Variants in ARHGEF9 observed in about 807,000 individuals in gnomAD.
The protein encoded by ARHGEF9 is Cdc42 guanine nucleotide exchange factor 9.
In ARHGEF9, 2 loss-of-function variants were observed where a neutral mutation model predicts 41.3. The ratio of observed to expected loss-of-function variants is 0.05; its 90% confidence interval spans 0.02 to 0.15. The LOEUF is 0.15. ARHGEF9 is among the 10% of genes least tolerant of loss of function. The pLI is 1.00. For missense variants in ARHGEF9, 225 were observed against 424.7 expected, an observed-to-expected ratio of 0.53 and a Z score of 4.13; for synonymous variants, 160 against 154.4, an observed-to-expected ratio of 1.04 and a Z score of -0.27.
intron 1 of ARHGEF9, among the ~76,000 whole-genome samples, chrX:63,773,822 G>A (rs2056243582): frequency 9.1e-6 from 1 of 110,412 alleles, no homozygotes; most frequent in Admixed American, 9.8e-5. Flanking sequence ...CTTGAGCTGG[G>A]ACATTGTTTT....
intron 2 of ARHGEF9, among the ~76,000 whole-genome samples, chrX:63,711,517 T>C (rs781855113): frequency 8.9e-6 from 1 of 111,927 alleles, no homozygotes; most frequent in Non-Finnish European, 1.9e-5. Flanking sequence ...CATGCTGAAT[T>C]GATATTTGTC....
At chrX:63,730,280 T>G (rs1377615230) in intron 1 of ARHGEF9, among the ~76,000 whole-genome samples, 4 of 112,740 alleles carry the variant, frequency 3.5e-5, no homozygotes, top group African/African-American at 1.3e-4. Context: ...TTTCAACCTC[T>G]ATAATTCTCC....
chrX:63,659,754 C>A (rs1417131215), intron 7 of ARHGEF9, among the ~76,000 whole-genome samples: 2 of 111,394 alleles, frequency 1.8e-5, no homozygotes, highest in African/African-American at 6.5e-5. Context: ...ATAAGAACAA[C>A]AATAATAGCA....
intron 1 of ARHGEF9, among the ~76,000 whole-genome samples, chrX:63,738,640 A>G: frequency 9.0e-6 from 1 of 111,501 alleles, no homozygotes; most frequent in East Asian, 2.8e-4. Context: ...TGAATACTGT[A>G]GTCATTTTGG....
intron 1 of ARHGEF9, among the ~76,000 whole-genome samples, chrX:63,775,083 ATAAT>A (rs2056270065): frequency 8.9e-6 from 1 of 112,696 alleles, no homozygotes; most frequent in Non-Finnish European, 1.9e-5. Context: ...AATATTCAAC[ATAAT>A]TAATCACTAG....
chrX:63,673,267 C>G (rs1416681261), intron 6 of ARHGEF9, among the ~76,000 whole-genome samples: 1 of 111,320 alleles, frequency 9.0e-6, no homozygotes, highest in African/African-American at 3.3e-5. Context: ...GGAGCAGACC[C>G]TACCTCTATA....
At chrX:63,777,252 G>T (rs782351688) in intron 1 of ARHGEF9, among the ~76,000 whole-genome samples, 2 of 111,420 alleles carry the variant, frequency 1.8e-5, no homozygotes, top group African/African-American at 6.5e-5. Flanking sequence ...GAGAAAAGAG[G>T]AGGAAAAGCC....
At chrX:63,688,140 G>A (rs2147389983) in intron 4 of ARHGEF9, among the ~76,000 whole-genome samples, 1 of 111,173 alleles carries the variant, frequency 9.0e-6, no homozygotes, top group South Asian at 3.9e-4. Context: ...ACATATAAAG[G>A]AGTTTCAATT....
At chrX:63,767,534 T>C (rs2056131985) in intron 1 of ARHGEF9, 1 of 224,063 alleles carries the variant, frequency 4.5e-6, no homozygotes, top group African/African-American at 2.9e-5. Context: ...TTGCAGCTAA[T>C]TAAGATGAAG....
rs1602141908 is a variant in ARHGEF9 at position 63,637,418 on chromosome X, T to G, written c.*610A>C. 3.4e-6 allele frequency: 1 copy of G among 291,363 alleles called. No individual in the cohort carries two copies. The highest frequency in any genetic ancestry group is 2.8e-5 in the African/African-American group (1 of 36,052). 24.0% of individuals were successfully genotyped at this position (291,363 alleles called of 1,213,427 possible). A position where few individuals can be genotyped will look rare whatever the true frequency, so the allele number is the denominator to read the frequency against. ...ACAGAGGATGCTGAAAAAAGGTTAT[T>G]TGGGGCAACTGCAGGGCTGAAGGAA... On this transcript the variant is annotated 3_prime_UTR_variant, in exon 10 of 10. Coordinates refer to ENST00000671741, the MANE Select transcript of ARHGEF9 (RefSeq NM_001353921.2).
intron 1 of ARHGEF9, among the ~76,000 whole-genome samples, chrX:63,765,170 T>A (rs1160750373): frequency 2.7e-5 from 3 of 110,552 alleles, no homozygotes; most frequent in African/African-American, 9.9e-5. Context: ...AGTTCCCACC[T>A]CCCAAAAGCA....
At chrX:63,730,346 G>A (rs2054207638) in intron 1 of ARHGEF9, among the ~76,000 whole-genome samples, 1 of 112,030 alleles carries the variant, frequency 8.9e-6, no homozygotes, top group East Asian at 2.8e-4. Context: ...GATAAAACAA[G>A]TAACCCACAG....
intron 1 of ARHGEF9, among the ~76,000 whole-genome samples, chrX:63,777,598 G>A (rs1556459416): frequency 8.9e-6 from 1 of 111,948 alleles, no homozygotes; most frequent in Non-Finnish European, 1.9e-5. Context: ...TATGAGCCTG[G>A]AAAATAAAAA....
At chrX:63,682,456 A>G (rs1221433668) in intron 4 of ARHGEF9, among the ~76,000 whole-genome samples, 1 of 109,751 alleles carries the variant, frequency 9.1e-6, no homozygotes, top group African/African-American at 3.3e-5. Context: ...TGGAGCTTGC[A>G]GTGAGCCGAC....
chrX:63,648,850 A>C (rs1340898680), intron 8 of ARHGEF9, among the ~76,000 whole-genome samples: 1 of 111,720 alleles, frequency 9.0e-6, no homozygotes, highest in Non-Finnish European at 1.9e-5. Context: ...AAAAGAGACA[A>C]AGAAGGCCAT....
chrX:63,691,972 A>C (rs2051381530), intron 4 of ARHGEF9, among the ~76,000 whole-genome samples: 2 of 112,043 alleles, frequency 1.8e-5, no homozygotes, highest in Admixed American at 1.9e-4. Flanking sequence ...AGCCTCTTCA[A>C]CTTATGTTCT....
intron 2 of ARHGEF9, among the ~76,000 whole-genome samples, chrX:63,708,133 CA>C (rs1326481266): frequency 3.8e-4 from 37 of 97,053 alleles, no homozygotes; most frequent in South Asian, 9.1e-4. Flanking sequence ...TAGACCTGGG[CA>C]AAAAAAAAAA....
At chrX:63,665,100 C>T (rs2049445324) in intron 7 of ARHGEF9, among the ~76,000 whole-genome samples, 1 of 112,150 alleles carries the variant, frequency 8.9e-6, no homozygotes, top group African/African-American at 3.2e-5. Flanking sequence ...TCCTTGGTCC[C>T]CAATTCTTCC....
chrX:63,782,637 A>G (rs1287826709), intron 1 of ARHGEF9, among the ~76,000 whole-genome samples: 4 of 112,431 alleles, frequency 3.6e-5, no homozygotes, highest in African/African-American at 1.3e-4. Flanking sequence ...AAGAAATCTC[A>G]CTGTTATAAA....
Sources: gnomAD v4.1 joint callset for allele counts (sites outside exome capture counted in the v4.1 genomes callset) on GRCh38, gnomAD v4.1.1 for gene constraint, MANE v1.5 for transcripts, NCBI Gene and HGNC (gene_info 2026-07-23, HGNC 2026-07-21) for gene names.